The following PTPRT variants were observed in gnomAD, a reference collection of about 807,000 sequenced individuals.
PTPRT encodes protein tyrosine phosphatase receptor type T.
In PTPRT, 56 loss-of-function variants were observed where a neutral mutation model predicts 176.8. The ratio of observed to expected loss-of-function variants is 0.32; its 90% CI spans 0.26 to 0.40. The LOEUF (loss-of-function observed/expected upper bound fraction) is 0.40, where lower values mean the gene tolerates loss of function less well. Among genes scored for constraint, PTPRT ranks in the 10% least tolerant of loss-of-function variants. PTPRT has a pLI of 1.00. For missense variants in PTPRT, 1,540 were observed against 1,908.2 expected (o/e 0.81, Z 3.60); for synonymous variants, 783 against 739.0 (o/e 1.06, Z -0.96).
chr20:42,546,143 A>T (rs945630086), intron 7 of PTPRT, among the ~76,000 whole-genome samples: 2 of 152,208 alleles, frequency 1.3e-5, no homozygotes, highest in African/African-American at 4.8e-5. Flanking sequence ...CTTCAGCCAA[A>T]TTAAATTTAA....
intron 9 of PTPRT, among the ~76,000 whole-genome samples, chr20:42,445,582 G>A (rs899181611): frequency 4.6e-5 from 7 of 152,178 alleles, no homozygotes; most frequent in Admixed American, 2.0e-4. Flanking sequence ...CTCCTTAGCT[G>A]TCTTTACAGC....
rs117936955 is a variant in PTPRT, at chr20:43,174,420, T to C, written c.88+15226A>G. ...TATTTAAAGCATGTAATAATGTTAG[T>C]GCTTCCTATTTGGTAGTCATTTCAT... On this transcript the variant is annotated intron_variant, in intron 1 of 30. Coordinates refer to ENST00000373187, the MANE Select transcript of PTPRT (RefSeq NM_007050.6). Among the ~76,000 whole-genome samples the C allele has an allele frequency of 7.3e-4, 111 of 152,364 alleles. 1 individual carries two copies. The East Asian group carries it at 0.02, about 28-fold the overall frequency.
intron 1 of PTPRT, among the ~76,000 whole-genome samples, chr20:43,001,409 T>G (rs1476062855): frequency 6.6e-6 from 1 of 152,158 alleles, no homozygotes; most frequent in Non-Finnish European, 1.5e-5. Context: ...TAAAAAATTT[T>G]TTAACCTACA....
chr20:43,168,462 G>A (rs1038111958), intron 1 of PTPRT, among the ~76,000 whole-genome samples: 5 of 152,110 alleles, frequency 3.3e-5, no homozygotes, highest in Non-Finnish European at 1.5e-5. Flanking sequence ...TCCTCTGGTT[G>A]GGAATCCTCT....
intron 7 of PTPRT, among the ~76,000 whole-genome samples, chr20:42,596,580 C>T (rs1601340970): frequency 6.6e-6 from 1 of 152,208 alleles, no homozygotes. Context: ...ATGTTTGTAA[C>T]AGAAAACCTA....
intron 9 of PTPRT, among the ~76,000 whole-genome samples, chr20:42,415,789 T>A (rs1357670146): frequency 6.6e-6 from 1 of 152,208 alleles, no homozygotes. Context: ...ATGGGAGTGA[T>A]GCTGTATGAG....
intron 8 of PTPRT, among the ~76,000 whole-genome samples, chr20:42,464,683 C>T (rs1339727600): frequency 1.3e-5 from 2 of 152,184 alleles, no homozygotes; most frequent in African/African-American, 2.4e-5. Flanking sequence ...ACAGTGATGC[C>T]TTCAGGACTC....
At chr20:42,595,162 C>T (rs1022268581) in intron 7 of PTPRT, among the ~76,000 whole-genome samples, 11 of 151,934 alleles carry the variant, frequency 7.2e-5, no homozygotes, top group Admixed American at 3.9e-4. Flanking sequence ...ATCTTGGGCA[C>T]GGGGGTCATT....
chr20:42,832,801 T>TTA (rs1555923448), intron 2 of PTPRT, among the ~76,000 whole-genome samples: 1 of 107,340 alleles, frequency 9.3e-6, no homozygotes, highest in Admixed American at 1.0e-4. Flanking sequence ...TAGGATTTGT[T>TTA]AAAAAAAAAA....
chr20:42,677,763 A>G, intron 7 of PTPRT, 103 bp downstream of exon 7: 1 of 1,353,142 alleles, frequency 7.4e-7, no homozygotes, highest in Non-Finnish European at 1.0e-6. Context: ...ATTCACATTC[A>G]AAGAAAATTC....
At chr20:42,543,762 T>G (rs946964981) in intron 7 of PTPRT, among the ~76,000 whole-genome samples, 4 of 152,154 alleles carry the variant, frequency 2.6e-5, no homozygotes, top group Non-Finnish European at 5.9e-5. Context: ...AATGACTTCT[T>G]GATCCATGGT....
At chr20:42,551,457 G>A (rs1316327074) in intron 7 of PTPRT, among the ~76,000 whole-genome samples, 4 of 152,146 alleles carry the variant, frequency 2.6e-5, no homozygotes, top group Non-Finnish European at 5.9e-5. Flanking sequence ...AATTGATGCT[G>A]CCTACACTAT....
At chr20:42,735,640 C>T (rs1221107968) in intron 6 of PTPRT, among the ~76,000 whole-genome samples, 1 of 152,198 alleles carries the variant, frequency 6.6e-6, no homozygotes, top group African/African-American at 2.4e-5. Context: ...TTGAACTGCA[C>T]GCACGACACT....
At chr20:42,744,408 A>G (rs1243380337) in intron 6 of PTPRT, among the ~76,000 whole-genome samples, 1 of 152,246 alleles carries the variant, frequency 6.6e-6, no homozygotes, top group African/African-American at 2.4e-5. Context: ...GTGACAAGAA[A>G]AAGATAATTG....
At chr20:42,270,379 C>CCCCGGGCGG in intron 13 of PTPRT, 1 of 1,541,634 alleles carries the variant, frequency 6.5e-7, no homozygotes, top group Non-Finnish European at 8.8e-7. Context: ...CCCACCCGCC[C>CCCCGGGCGG]AGGGCTCTGG....
chr20:42,898,623 T>G (rs1234933473), intron 1 of PTPRT, among the ~76,000 whole-genome samples: 4 of 152,200 alleles, frequency 2.6e-5, no homozygotes, highest in Non-Finnish European at 5.9e-5. Flanking sequence ...TAAGAGCCTC[T>G]GTTCAGACCA....
At chr20:42,843,776 C>T (rs1335324486) in intron 2 of PTPRT, among the ~76,000 whole-genome samples, 1 of 152,176 alleles carries the variant, frequency 6.6e-6, no homozygotes, top group Non-Finnish European at 1.5e-5. Context: ...ATTCTGGGTG[C>T]CACATTCTAA....
chr20:42,540,018 GA>G (rs1385680313), intron 7 of PTPRT, among the ~76,000 whole-genome samples: 1 of 152,186 alleles, frequency 6.6e-6, no homozygotes, highest in Non-Finnish European at 1.5e-5. Flanking sequence ...CCCTAGATGT[GA>G]AGAATGAGTA....
intron 9 of PTPRT, among the ~76,000 whole-genome samples, chr20:42,438,567 C>T (rs142193335): frequency 6.6e-6 from 1 of 152,266 alleles, no homozygotes; most frequent in East Asian, 1.9e-4. Context: ...AGACATGCCA[C>T]CAAACATACA....
Sources: allele counts gnomAD v4.1 joint callset (sites outside exome capture counted in the v4.1 genomes callset), GRCh38; gene constraint gnomAD v4.1.1; transcripts MANE v1.5; gene names NCBI Gene and HGNC (gene_info 2026-07-23, HGNC 2026-07-21).